Variants in CALN1 observed in about 807,000 individuals in gnomAD.
CALN1 encodes calneuron 1, also known as calcium-binding protein 8.
In CALN1, 17 loss-of-function variants were observed where a neutral mutation model predicts 30.6. The observed-to-expected ratio is 0.56, with a 90% confidence interval of 0.38 to 0.83. The LOEUF is 0.83. Among genes scored for constraint, CALN1 ranks in the 40% least tolerant of loss-of-function variants. CALN1 has a pLI of 0.00. For missense variants in CALN1, 291 were observed against 354.9 expected, an observed-to-expected ratio of 0.82 and a Z score of 1.45; for synonymous variants, 156 against 131.4, an observed-to-expected ratio of 1.19 and a Z score of -1.28.
At chr7:72,064,242 A>T (rs1584866550) in intron 4 of CALN1, among the ~76,000 whole-genome samples, 1 of 151,802 alleles carries the variant, frequency 6.6e-6, no homozygotes, top group African/African-American at 2.4e-5. Context: ...AGATCGTGCC[A>T]CTGCACTCCA....
chr7:71,884,176 G>C (rs1443452509), intron 5 of CALN1, among the ~76,000 whole-genome samples: 1 of 152,130 alleles, frequency 6.6e-6, no homozygotes, highest in African/African-American at 2.4e-5. Flanking sequence ...GCCTCCCAAA[G>C]TGCTGGGATT....
intron 1 of CALN1, among the ~76,000 whole-genome samples, chr7:72,404,364 C>T (rs2129562205): frequency 6.6e-6 from 1 of 152,292 alleles, no homozygotes; most frequent in African/African-American, 2.4e-5. Flanking sequence ...ATGTATTGAA[C>T]ACACAGTTAA....
intron 3 of CALN1, among the ~76,000 whole-genome samples, chr7:72,239,062 C>T (rs573826074): frequency 6.6e-6 from 1 of 152,166 alleles, no homozygotes; most frequent in South Asian, 2.1e-4. Flanking sequence ...AGATGTTGTA[C>T]TCCGTGACTT....
At chr7:71,982,293 G>C (rs1157942799) in intron 5 of CALN1, among the ~76,000 whole-genome samples, 1 of 152,174 alleles carries the variant, frequency 6.6e-6, no homozygotes, top group African/African-American at 2.4e-5. Context: ...CATTTTAAAA[G>C]ATATTAAAAT....
chr7:72,033,935 G>A (rs376966281), intron 4 of CALN1, among the ~76,000 whole-genome samples: 4 of 152,232 alleles, frequency 2.6e-5, no homozygotes, highest in African/African-American at 9.6e-5. Flanking sequence ...GATTGGAGAA[G>A]TCTGGATAAA....
chr7:72,144,247 C>A (rs1810180680), intron 3 of CALN1, among the ~76,000 whole-genome samples: 1 of 152,070 alleles, frequency 6.6e-6, no homozygotes, highest in Non-Finnish European at 1.5e-5. Flanking sequence ...TGTGCAGAGA[C>A]ACACATAGGC....
chr7:72,196,153 C>A (rs938799526), intron 3 of CALN1, among the ~76,000 whole-genome samples: 1 of 151,882 alleles, frequency 6.6e-6, no homozygotes, highest in African/African-American at 2.4e-5. Flanking sequence ...CGCTTTGTCA[C>A]CCAGGCTCCA....
At chr7:72,088,782 A>AAGGGAAGGAAGG (rs1805658676) in intron 4 of CALN1, among the ~76,000 whole-genome samples, 1 of 69,940 alleles carries the variant, frequency 1.4e-5, no homozygotes, top group South Asian at 9.8e-4. Flanking sequence ...TAAGAGAAGG[A>AAGGGAAGGAAGG]AGGGAAGGAA....
intron 2 of CALN1, among the ~76,000 whole-genome samples, chr7:72,327,660 T>G (rs1445013535): frequency 6.6e-5 from 10 of 152,212 alleles, no homozygotes; most frequent in Non-Finnish European, 1.3e-4. Flanking sequence ...TGCACGCGAT[T>G]TGTAATCGTG....
chr7:72,409,430 C>T (rs1211405993), intron 1 of CALN1, among the ~76,000 whole-genome samples: 9 of 145,916 alleles, frequency 6.2e-5, no homozygotes, highest in Non-Finnish European at 9.0e-5. Flanking sequence ...CAGAGGCTGG[C>T]GCAGAGTATA....
At chr7:72,362,211 G>A (rs960849152) in intron 2 of CALN1, among the ~76,000 whole-genome samples, 13 of 152,180 alleles carry the variant, frequency 8.5e-5, no homozygotes, top group African/African-American at 2.9e-4. Flanking sequence ...TCACAGCTTC[G>A]TTCGTTGCTA....
intron 5 of CALN1, among the ~76,000 whole-genome samples, chr7:71,948,646 G>A (rs577118206): frequency 4.6e-5 from 7 of 150,908 alleles, no homozygotes; most frequent in Middle Eastern, 3.4e-3. Flanking sequence ...CATGAGAATC[G>A]CTTGAACACA....
chr7:71,843,453 T>TA (rs1400432431), intron 5 of CALN1, among the ~76,000 whole-genome samples: 14 of 151,832 alleles, frequency 9.2e-5, no homozygotes, highest in Non-Finnish European at 1.3e-4. Context: ...ACCCTATCTC[T>TA]AAAAAAAACT....
Position 71,873,354 on chromosome 7 carries a change from G to C in CALN1, c.502-62862C>G, listed in dbSNP as rs144325530. On this transcript the variant is annotated intron_variant, in intron 5 of 6. Coordinates refer to ENST00000395275, the MANE Select transcript of CALN1 (RefSeq NM_031468.4). ...CATTCATGGTCTGTTCAGAGAGACTGGTTGCCTATACATACAGTCATCATG... is the reference window on the plus strand; with the variant it reads ...CATTCATGGTCTGTTCAGAGAGACTCGTTGCCTATACATACAGTCATCATG... Among the ~76,000 whole-genome samples the C allele has an allele frequency of 9.1e-3, 1,387 of 152,104 alleles. 24 individuals are homozygous for C. The highest frequency in any genetic ancestry group is 0.032 in the African/African-American group (1,309 of 41,474).
intron 5 of CALN1, among the ~76,000 whole-genome samples, chr7:71,935,708 C>A (rs114756393): frequency 0.021 from 3,150 of 152,182 alleles, 55 homozygotes; most frequent in East Asian, 0.049. Context: ...GCAACAAGAG[C>A]GAAACTCCGT....
chr7:72,346,183 T>C (rs1802631786), intron 2 of CALN1, among the ~76,000 whole-genome samples: 2 of 152,212 alleles, frequency 1.3e-5, no homozygotes, highest in South Asian at 4.1e-4. Flanking sequence ...GGTCAAATGG[T>C]AATTTGTTAT....
At chr7:72,300,009 T>C (rs895698314) in intron 2 of CALN1, among the ~76,000 whole-genome samples, 3 of 152,114 alleles carry the variant, frequency 2.0e-5, no homozygotes, top group Non-Finnish European at 4.4e-5. Flanking sequence ...GCCTCTGAAG[T>C]AGCTGGGATT....
At chr7:72,028,692 T>C (rs1181721343) in intron 4 of CALN1, among the ~76,000 whole-genome samples, 1 of 152,164 alleles carries the variant, frequency 6.6e-6, no homozygotes, top group Middle Eastern at 3.2e-3. Flanking sequence ...CTTTGATTTA[T>C]AATAAGAAAT....
intron 1 of CALN1, among the ~76,000 whole-genome samples, chr7:72,407,202 T>A (rs1166896625): frequency 6.6e-6 from 1 of 152,234 alleles, no homozygotes; most frequent in East Asian, 1.9e-4. Context: ...AGGGGCTGTG[T>A]GACCTTGGGC....
Sources: allele counts gnomAD v4.1 joint callset (sites outside exome capture counted in the v4.1 genomes callset), GRCh38; gene constraint gnomAD v4.1.1; transcripts MANE v1.5; gene names NCBI Gene and HGNC (gene_info 2026-07-23, HGNC 2026-07-21).